Variants in MYH10 observed in about 807,000 individuals in gnomAD.
MYH10 encodes myosin heavy chain 10.
MYH10 carries 55 observed loss-of-function variants against 257.8 expected under a neutral mutation model. That is an observed-to-expected ratio of 0.21 (90% CI 0.17 to 0.27). MYH10 has a LOEUF of 0.27. Among genes scored for constraint, MYH10 ranks in the 10% least tolerant of loss-of-function variants. The probability of loss-of-function intolerance (pLI) is 1.00; values close to 1 mark genes in which losing one functional copy is unlikely to be tolerated. For synonymous variants in MYH10, 854 were observed against 921.7 expected, an observed-to-expected ratio of 0.93 and a Z score of 1.33; for missense variants, 1,631 against 2,500.6, an observed-to-expected ratio of 0.65 and a Z score of 7.42.
chr17:8,517,673 G>A (rs2081513796), intron 21 of MYH10, among the ~76,000 whole-genome samples: 1 of 152,084 alleles, frequency 6.6e-6, no homozygotes, highest in Non-Finnish European at 1.5e-5. Flanking sequence ...TTCCCAACTG[G>A]CCCTCCCAAT....
chr17:8,562,425 T>A (rs1453170208), intron 7 of MYH10, among the ~76,000 whole-genome samples: 3 of 152,232 alleles, frequency 2.0e-5, no homozygotes, highest in Non-Finnish European at 4.4e-5. Flanking sequence ...AATAAATACT[T>A]TCAGAATTAA....
At chr17:8,611,134 C>T (rs938531309) in intron 2 of MYH10, among the ~76,000 whole-genome samples, 8 of 152,278 alleles carry the variant, frequency 5.3e-5, no homozygotes, top group African/African-American at 1.7e-4. Context: ...GTTGGTGTGG[C>T]GGTGGTAAAT....
At chr17:8,524,789 A>G (rs551439188) in intron 17 of MYH10, among the ~76,000 whole-genome samples, 4 of 152,320 alleles carry the variant, frequency 2.6e-5, no homozygotes, top group South Asian at 2.1e-4. Flanking sequence ...GACAAAACTA[A>G]GTATTAACAT....
chr17:8,487,393 C>T (rs1001419877), intron 36 of MYH10, 40 bp downstream of exon 36: 18 of 1,611,034 alleles, frequency 1.1e-5, no homozygotes, highest in Non-Finnish European at 1.3e-5. Context: ...ACATAGGTCA[C>T]GTGGTGCCAT....
chr17:8,586,237 T>C (rs978742060), intron 4 of MYH10, among the ~76,000 whole-genome samples: 5 of 152,232 alleles, frequency 3.3e-5, no homozygotes, highest in Admixed American at 2.6e-4. Flanking sequence ...ATATGCCTTT[T>C]ATTTCTATAA....
intron 40 of MYH10, 123 bp from the exon 41 acceptor site, chr17:8,478,569 T>C: frequency 2.5e-6 from 2 of 813,632 alleles, no homozygotes; most frequent in Middle Eastern, 2.4e-4. Context: ...TGGACCTCTC[T>C]GTCCAGAATT....
chr17:8,532,821 C>T (rs984054930), intron 16 of MYH10, among the ~76,000 whole-genome samples: 1 of 152,128 alleles, frequency 6.6e-6, no homozygotes, highest in African/African-American at 2.4e-5. Flanking sequence ...AGATTATTGC[C>T]ATGGGAAGCA....
Position 8,475,806 on chromosome 17 carries a change from ACT to A in MYH10, c.6020_6021del (p.Glu2007ValfsTer42). The A allele has an allele frequency of 6.2e-7, 1 of 1,613,884 alleles. No homozygotes were observed. The highest frequency in any genetic ancestry group is 1.7e-5 in the Admixed American group (1 of 60,000). Reference sequence around the variant, plus strand: ...GCCTCCTCTGGCTTCCTGCAACTTTACTCTGACTGGGGTGGCTGCGTCTCGTT... The same window carrying A: ...GCCTCCTCTGGCTTCCTGCAACTTTACTGACTGGGGTGGCTGCGTCTCGTT... ...DVNETQPPQS[E>X] On this transcript the variant is annotated frameshift_variant, in exon 43 of 43. Transcript: ENST00000360416. LOFTEE classifies it high-confidence loss of function.
At position 8,545,432 on chromosome 17, in the gene MYH10, A is replaced by C. The variant is rs1597791292; in HGVS notation, c.1431+16T>G. On this transcript the variant is annotated intron_variant, in intron 13 of 42. Coordinates refer to ENST00000360416, the MANE Select transcript of MYH10 (RefSeq NM_001256012.3). The surrounding 1 kb of genome is among the most constrained non-coding windows in gnomAD (Gnocchi z 4.7). ...ACAAAAAGAAGGACGAGCTAGAGGA[A>C]GAGGGGGAAGAATACCTCAAAAATT... The C allele has an allele frequency of 6.2e-7, 1 of 1,612,304 alleles. No individual in the cohort carries two copies. The highest frequency in any genetic ancestry group is 8.5e-7 in the Non-Finnish European group (1 of 1,179,382).
chr17:8,623,468 C>T (rs2085545578), intron 1 of MYH10, 191 bp from the exon 2 acceptor site: 2 of 378,668 alleles, frequency 5.3e-6, no homozygotes, highest in African/African-American at 2.1e-5. Flanking sequence ...AATTATGGCT[C>T]TGGTTGTCTG....
intron 3 of MYH10, among the ~76,000 whole-genome samples, chr17:8,602,057 A>C (rs2084628880): frequency 6.6e-6 from 1 of 151,760 alleles, no homozygotes; most frequent in African/African-American, 2.4e-5. Context: ...CTCACTGCAA[A>C]CTGCGCCTCC....
chr17:8,548,438 T>G, intron 10 of MYH10, 30 bp from the exon 11 acceptor site: 2 of 1,475,502 alleles, frequency 1.4e-6, no homozygotes, highest in Non-Finnish European at 1.9e-6. Flanking sequence ...AAAAAAAAAT[T>G]AATATTGCCT....
Position 8,477,120 on chromosome 17 carries a change from G to A in MYH10, c.5707-72C>T, listed in dbSNP as rs1037399592. The A allele has an allele frequency of 6.5e-6, 10 of 1,548,130 alleles. No homozygotes were observed. Among genetic ancestry groups the A allele is most frequent in the African/African-American group, 4.1e-5 (3 of 73,772 alleles). ...GTGTCGGCCTCTCTGTACCCCGAGC[G>A]TGGCAGTGTGGGGCTCTGCCTGTTA... On this transcript the variant is annotated intron_variant, in intron 41 of 42. Transcript: ENST00000360416. This position sits in a 1 kb window ranked among gnomAD's most constrained non-coding sequence, Gnocchi z 4.2.
chr17:8,487,366 G>A, intron 36 of MYH10, 67 bp downstream of exon 36: 1 of 1,588,600 alleles, frequency 6.3e-7, no homozygotes, highest in Non-Finnish European at 8.6e-7. Flanking sequence ...TTCACTGCTG[G>A]ACTCTGTGTA....
intron 7 of MYH10, among the ~76,000 whole-genome samples, chr17:8,560,168 T>TA (rs1404294890): frequency 2.0e-5 from 3 of 152,252 alleles, no homozygotes; most frequent in Admixed American, 1.3e-4. Flanking sequence ...ACATGCGGTT[T>TA]AAGCTTTCAA....
intron 2 of MYH10, among the ~76,000 whole-genome samples, chr17:8,608,832 G>T (rs765138996): frequency 3.9e-4 from 56 of 143,140 alleles, no homozygotes; most frequent in Non-Finnish European, 5.4e-4. Context: ...TTTTTTTTGA[G>T]ACGGAGTCTC....
chr17:8,595,581 C>T (rs557854311), intron 3 of MYH10, among the ~76,000 whole-genome samples: 1 of 151,942 alleles, frequency 6.6e-6, no homozygotes, highest in South Asian at 2.1e-4. Context: ...TACAGGAATT[C>T]GCCACCACAC....
At position 8,476,883 on chromosome 17, in the gene MYH10, G is replaced by A. The variant is rs763121137; in HGVS notation, c.5872C>T (p.Arg1958Trp). ...LSREVSTLKN[R>W]LRRGGPISFS... The stretch of plus-strand genomic sequence containing the variant: ...GGCCGCATGCCTGCTCACCTCAGCC[G>A]GTTCTTCAGGGTGCTGACCTCGCGG... The change falls in exon 42 of 43, where the codon CGG (arginine) becomes TGG (tryptophan). Residue 1958 changes from arginine (R) to tryptophan (W), a missense_variant. By Grantham distance (101) the Arg-to-Trp change is moderately radical. Transcript: ENST00000360416. 6 of 1,608,112 alleles carry A rather than the reference G, an allele frequency of 3.7e-6. No individual in the cohort carries two copies. Among genetic ancestry groups the A allele is most frequent in the African/African-American group, 1.3e-5 (1 of 75,006 alleles).
At chr17:8,610,431 A>G (rs1387270281) in intron 2 of MYH10, among the ~76,000 whole-genome samples, 1 of 147,548 alleles carries the variant, frequency 6.8e-6, no homozygotes, top group African/African-American at 2.6e-5. Context: ...CTCCAGAAGC[A>G]AAAAAAAATA....
Sources: allele counts gnomAD v4.1 joint callset (sites outside exome capture counted in the v4.1 genomes callset), GRCh38; gene constraint gnomAD v4.1.1; non-coding constraint Gnocchi (gnomAD v3.1); transcripts MANE v1.5; gene names NCBI Gene and HGNC (gene_info 2026-07-23, HGNC 2026-07-21).